Variants in PCNX2 observed in about 807,000 individuals in gnomAD.
PCNX2 encodes the protein pecanex-like protein 2.
A neutral mutation model predicts 223.8 loss-of-function variants in PCNX2; 168 were observed. The ratio of observed to expected loss-of-function variants is 0.75; its 90% CI spans 0.66 to 0.85. PCNX2 has a LOEUF of 0.85. Ranked by LOEUF, PCNX2 falls within the 40% of genes least tolerant of loss-of-function variation. The pLI, the probability that PCNX2 is intolerant of heterozygous loss-of-function variation, is 0.00. For missense variants in PCNX2, 2,507 were observed against 2,675.5 expected (o/e 0.94, Z 1.39); for synonymous variants, 1,006 against 1,052.6 (o/e 0.96, Z 0.86).
At chr1:233,106,169 G>A (rs1257342944) in intron 21 of PCNX2, among the ~76,000 whole-genome samples, 1 of 152,088 alleles carries the variant, frequency 6.6e-6, no homozygotes, top group Non-Finnish European at 1.5e-5. Flanking sequence ...CACAGTTTAT[G>A]CACACACTCT....
At chr1:233,265,156 C>T (rs2177071) in intron 1 of PCNX2, among the ~76,000 whole-genome samples, 45,199 of 151,424 alleles carry the variant, frequency 0.3, 6,939 homozygotes, top group South Asian at 0.45. Flanking sequence ...GGTGGGAGGA[C>T]CTCTTGAGCC....
At chr1:232,993,620 A>G (rs1669778867) in intron 32 of PCNX2, among the ~76,000 whole-genome samples, 1 of 152,266 alleles carries the variant, frequency 6.6e-6, no homozygotes, top group Admixed American at 6.5e-5. Flanking sequence ...TTGCATAAGT[A>G]ACAAGGAGCA....
intron 21 of PCNX2, among the ~76,000 whole-genome samples, chr1:233,118,749 T>A (rs1428641640): frequency 6.6e-6 from 1 of 152,202 alleles, no homozygotes; most frequent in Non-Finnish European, 1.5e-5. Context: ...AGTTACAGAT[T>A]GGAAGACAAC....
chr1:233,157,657 T>A (rs940910980), intron 19 of PCNX2, among the ~76,000 whole-genome samples: 2 of 152,062 alleles, frequency 1.3e-5, no homozygotes, highest in East Asian at 1.9e-4. Flanking sequence ...CATGTTTTGA[T>A]GCTGGTGGAA....
At chr1:233,229,645 C>T (rs918502123) in intron 9 of PCNX2, among the ~76,000 whole-genome samples, 1 of 152,102 alleles carries the variant, frequency 6.6e-6, no homozygotes, top group Non-Finnish European at 1.5e-5. Context: ...GAGAAAAATG[C>T]CTTCTTAAAG....
At chr1:233,191,219 G>A (rs146922452) in intron 15 of PCNX2, among the ~76,000 whole-genome samples, 77 of 152,300 alleles carry the variant, frequency 5.1e-4, no homozygotes, top group African/African-American at 1.8e-3. Flanking sequence ...TTGAGTTCCT[G>A]AGGAGAAAGG....
intron 1 of PCNX2, among the ~76,000 whole-genome samples, chr1:233,266,244 G>A (rs1228537599): frequency 2.6e-5 from 4 of 152,286 alleles, no homozygotes; most frequent in East Asian, 3.9e-4. Flanking sequence ...GCAGCAGCAC[G>A]TGCCTGTAAT....
chr1:233,043,584 G>A (rs1671721149), intron 25 of PCNX2, among the ~76,000 whole-genome samples: 1 of 112,860 alleles, frequency 8.9e-6, no homozygotes, highest in African/African-American at 3.5e-5. Flanking sequence ...AGTCCCCAGA[G>A]TGTGATGTTC....
chr1:233,110,592 T>C (rs1324534819), intron 21 of PCNX2, among the ~76,000 whole-genome samples: 1 of 152,160 alleles, frequency 6.6e-6, no homozygotes, highest in Non-Finnish European at 1.5e-5. Flanking sequence ...ATATAGAGCA[T>C]TGGGAATGAA....
chr1:233,175,719 A>C (rs1317508682), intron 17 of PCNX2, among the ~76,000 whole-genome samples: 1 of 151,944 alleles, frequency 6.6e-6, no homozygotes, highest in Non-Finnish European at 1.5e-5. Context: ...TTAAGCTGCC[A>C]TCTCATCAGG....
At chr1:233,190,793 C>T (rs1680379866) in intron 15 of PCNX2, among the ~76,000 whole-genome samples, 2 of 152,170 alleles carry the variant, frequency 1.3e-5, no homozygotes, top group South Asian at 4.1e-4. Context: ...CAATGATTTA[C>T]ACCTATAACA....
chr1:233,040,509 C>T (rs1169477113), intron 25 of PCNX2, among the ~76,000 whole-genome samples: 2 of 152,176 alleles, frequency 1.3e-5, no homozygotes, highest in Non-Finnish European at 2.9e-5. Flanking sequence ...ACAATCCTTT[C>T]ACACATGTCT....
At position 233,258,501 on chromosome 1, in the gene PCNX2, G is replaced by A. The variant is rs1558399307; in HGVS notation, c.1361C>T (p.Thr454Ile). ...PCPEGNGSERTPERLKTRVST... is the reference protein window; with the variant it reads ...PCPEGNGSERIPERLKTRVST... ...TACCCTCGTCTTCAGTCTCTCTGGA[G>A]TCCTTTCACTTCCATTGCCTTCGGG... Residue 454 changes from threonine to isoleucine, a missense_variant, in exon 5 of 34, where the codon ACT (threonine) becomes ATT (isoleucine). By Grantham distance (89) the Thr-to-Ile change is moderately conservative (BLOSUM62 -1). Transcript: ENST00000258229. 7 of 1,613,874 alleles carry A rather than the reference G, an allele frequency of 4.3e-6. No individual in the cohort carries two copies. Among genetic ancestry groups the A allele is most frequent in the Non-Finnish European group, 5.9e-6 (7 of 1,179,904 alleles).
chr1:233,089,897 A>G, intron 23 of PCNX2, 164 bp downstream of exon 23: 1 of 1,412,450 alleles, frequency 7.1e-7, no homozygotes, highest in Non-Finnish European at 9.2e-7. Context: ...GAGACCCAAG[A>G]GCTGAGTCAA....
intron 31 of PCNX2, among the ~76,000 whole-genome samples, chr1:232,998,726 T>C (rs1669964622): frequency 6.6e-6 from 1 of 152,206 alleles, no homozygotes; most frequent in South Asian, 2.1e-4. Context: ...TTCTTAGAAT[T>C]CATCCCAACT....
chr1:233,131,888 G>T (rs993654626), intron 21 of PCNX2, among the ~76,000 whole-genome samples: 2 of 151,870 alleles, frequency 1.3e-5, no homozygotes, highest in African/African-American at 4.8e-5. Flanking sequence ...AAAGATGATG[G>T]CAAAGTGAGT....
At chr1:233,200,894 C>A (rs377594518) in intron 13 of PCNX2, among the ~76,000 whole-genome samples, 2 of 150,844 alleles carry the variant, frequency 1.3e-5, no homozygotes, top group Admixed American at 1.3e-4. Flanking sequence ...GGCGTGGTGG[C>A]GGGCGCCTGT....
intron 25 of PCNX2, among the ~76,000 whole-genome samples, chr1:233,038,588 T>A (rs1261804414): frequency 6.6e-6 from 1 of 152,336 alleles, no homozygotes; most frequent in African/African-American, 2.4e-5. Context: ...GGATTCTGAA[T>A]GGAGAACTCA....
At chr1:233,091,688 G>A (rs1368796911) in intron 22 of PCNX2, among the ~76,000 whole-genome samples, 4 of 144,926 alleles carry the variant, frequency 2.8e-5, no homozygotes, top group Non-Finnish European at 6.0e-5. Flanking sequence ...AGCTAGAATT[G>A]CACTGTTGCA....
Sources: allele counts gnomAD v4.1 joint callset (sites outside exome capture counted in the v4.1 genomes callset), GRCh38; gene constraint gnomAD v4.1.1; transcripts MANE v1.5; gene names NCBI Gene and HGNC (gene_info 2026-07-23, HGNC 2026-07-21).